Variants in MGA observed in about 807,000 individuals in gnomAD.
The protein encoded by MGA is MAX gene-associated protein.
Under a neutral mutation model 261.1 loss-of-function variants are expected in MGA, and 40 were observed. That is an observed-to-expected ratio of 0.15 (90% CI 0.12 to 0.20). The LOEUF (loss-of-function observed/expected upper bound fraction) is 0.20, where lower values mean the gene tolerates loss of function less well. Ranked by LOEUF, MGA falls within the 10% of genes least tolerant of loss-of-function variation. The probability of loss-of-function intolerance (pLI) is 1.00; values close to 1 mark genes in which losing one functional copy is unlikely to be tolerated. For synonymous variants in MGA, 1,302 were observed against 1,290.6 expected (o/e 1.01, Z -0.19); for missense variants, 3,397 against 3,630.5 (o/e 0.94, Z 1.65).
rs532484674 is a variant in MGA, at chr15:41,707,646, C to T, written c.2189-82C>T. On this transcript the variant is annotated intron_variant, in intron 5 of 23. Transcript: ENST00000219905. The stretch of plus-strand genomic sequence containing the variant: ...TCGACCTTACCCCCCCGCCATCTCC[C>T]AGGCACAAGTTAAAAACAAAGAAGG... 3,209 of 1,351,654 alleles carry T rather than the reference C, an allele frequency of 2.4e-3. 7 individuals carry two copies. Among genetic ancestry groups the T allele is most frequent in the Non-Finnish European group, 2.8e-3 (2,804 of 998,296 alleles). 83.7% of individuals were successfully genotyped at this position (1,351,654 alleles called of 1,614,324 possible).
chr15:41,666,123 G>A (rs4923906), intron 1 of MGA, among the ~76,000 whole-genome samples: 21,871 of 146,648 alleles, frequency 0.15, 2,528 homozygotes, highest in East Asian at 0.69. Flanking sequence ...TTGAACTCTT[G>A]ACCTCAAACG....
At chr15:41,656,382 C>CTCTCTCTCCTCTCTCTCTCTCTCTCT (rs2057194512), upstream of MGA, among the ~76,000 whole-genome samples, 1 of 90,406 alleles carries the variant, frequency 1.1e-5, no homozygotes, top group African/African-American at 3.3e-5. Flanking sequence ...CTCTCTCACA[C>CTCTCTCTCCTCTCTCTCTCTCTCTCT]CCAGGCTGGA....
In MGA at chr15:41,766,587, A is replaced by G. The variant is rs766522106; in HGVS notation, c.8505A>G (p.Gln2835=). The change falls in exon 24 of 24, where the codon CAA becomes CAG. Residue 2835 remains glutamine, a synonymous_variant. Transcript: ENST00000219905. The stretch of plus-strand genomic sequence containing the variant: ...TCAATGAAATTGCCTTTCTTAATCA[A>G]CAACTAAATGATGACTCTGTTGGCC... 4.3e-6 allele frequency: 7 copies of G among 1,613,884 alleles called. No individual in the cohort carries two copies. Among genetic ancestry groups the G allele is most frequent in the Admixed American group, 1.7e-5 (1 of 60,006 alleles).
Position 41,762,382 on chromosome 15 carries a change from CT to C in MGA, c.7744+23del, listed in dbSNP as rs2063508912. On this transcript the variant is annotated intron_variant, in intron 22 of 23. Transcript: ENST00000219905. The stretch of plus-strand genomic sequence containing the variant: ...CCACAGGTAGGAGGGACATTCTTCG[CT>C]TTCCTTAATGTAGATATACATCAGT... 1.9e-6 allele frequency: 3 copies of C among 1,589,312 alleles called. No homozygotes were observed. Among genetic ancestry groups the C allele is most frequent in the African/African-American group, 1.4e-5 (1 of 73,450 alleles).
chr15:41,750,573 T>C lies in MGA; in HGVS notation c.6966T>C (p.Val2322=), dbSNP rs370500547. Residue 2322 remains valine, a synonymous_variant, in exon 17 of 24, where the codon GTT becomes GTC. Transcript: ENST00000219905. ...ATTCTATTGATGAAATTGTGGATGT[T>C]GTTTCTGACTACCAGAGTGAGGAGG... is the stretch of plus-strand genomic sequence containing the variant. 5.6e-5 allele frequency: 90 copies of C among 1,611,124 alleles called. No homozygotes were observed. In the African/African-American group the frequency reaches 1.1e-3, roughly 20 times the overall value.
Position 41,740,076 on chromosome 15 carries a change from T to A in MGA, c.4458T>A (p.Ala1486=). ...AGGTAGCATCCAATGCCAAGGTGGC[T>A]GCATCCAGGAAACCACGTACCCTGT... Residue 1486 remains alanine, a synonymous_variant, in exon 14 of 24, where the codon GCT becomes GCA. Coordinates refer to ENST00000219905, the MANE Select transcript of MGA (RefSeq NM_001164273.2). The A allele has an allele frequency of 1.2e-6, 2 of 1,614,034 alleles. No individual in the cohort carries two copies. The highest frequency in any genetic ancestry group is 1.7e-6 in the Non-Finnish European group (2 of 1,179,898).
chr15:41,684,406 C>A, intron 2 of MGA: 1 of 452,612 alleles, frequency 2.2e-6, no homozygotes, highest in Admixed American at 2.4e-5. Context: ...ATTCTTTTGC[C>A]TAATTTATTT....
Position 41,710,707 on chromosome 15 carries a change from T to A in MGA, c.2442T>A (p.Ser814Arg), listed in dbSNP as rs781525490. 1 of 1,600,410 alleles carries A rather than the reference T, an allele frequency of 6.2e-7. No individual in the cohort carries two copies. Among genetic ancestry groups the A allele is most frequent in the Non-Finnish European group, 8.5e-7 (1 of 1,174,576 alleles). Residue 814 changes from serine to arginine, a missense_variant, in exon 8 of 24, where the codon AGT becomes AGA. By Grantham distance (110) the Ser-to-Arg change is moderately radical. Coordinates refer to ENST00000219905, the MANE Select transcript of MGA (RefSeq NM_001164273.2). ...TATTTCTAGGTGGAAATTCAGAAAG[T>A]TCACTGAAAAATCGTTCTGCTTTCT... is the stretch of plus-strand genomic sequence containing the variant.
chr15:41,681,129 A>G (rs995948811), intron 2 of MGA, among the ~76,000 whole-genome samples: 3 of 152,230 alleles, frequency 2.0e-5, no homozygotes, highest in African/African-American at 7.2e-5. Flanking sequence ...CAGCAAATAC[A>G]TAATACATAA....
At chr15:41,697,630 A>G (rs1040349241) in intron 3 of MGA, among the ~76,000 whole-genome samples, 2 of 151,752 alleles carry the variant, frequency 1.3e-5, no homozygotes, top group African/African-American at 4.8e-5. Flanking sequence ...TTGGCCAGCT[A>G]ATTTCTAACT....
At chr15:41,654,619 C>G (rs1324235302) in intron 1 of MGA, among the ~76,000 whole-genome samples, 1 of 152,164 alleles carries the variant, frequency 6.6e-6, no homozygotes, top group African/African-American at 2.4e-5. Context: ...ATTTTTCTCT[C>G]ATAGGCTTCT....
intron 2 of MGA, among the ~76,000 whole-genome samples, chr15:41,679,600 G>T (rs926015883): frequency 6.6e-6 from 1 of 151,672 alleles, no homozygotes; most frequent in African/African-American, 2.4e-5. Context: ...ATTGCCCATT[G>T]CTGTTTTGTA....
At position 41,766,474 on chromosome 15, in the gene MGA, G is replaced by C. The variant is rs1397552656; in HGVS notation, c.8392G>C (p.Ala2798Pro). 2 of 1,613,878 alleles carry C rather than the reference G, an allele frequency of 1.2e-6. No individual in the cohort carries two copies. The highest frequency in any genetic ancestry group is 1.7e-6 in the Non-Finnish European group (2 of 1,179,906). Residue 2798 changes from alanine to proline, a missense_variant, in exon 24 of 24, where the codon GCT becomes CCT. This residue lies in a region of MGA where 647 missense variants were observed against 642.4 expected (regional missense o/e 1.01). Transcript: ENST00000219905. Reference sequence around the variant, plus strand: ...GATGGAACTGAGGAAAGTAACATCAGCTATAGAGGAAGCAGCTCTTGATTC... The same window carrying C: ...GATGGAACTGAGGAAAGTAACATCACCTATAGAGGAAGCAGCTCTTGATTC...
chr15:41,659,319 T>C (rs2057282030), upstream of MGA, among the ~76,000 whole-genome samples: 1 of 152,178 alleles, frequency 6.6e-6, no homozygotes, highest in African/African-American at 2.4e-5. Flanking sequence ...AGCCTCCTTC[T>C]GTTGACTCCT....
At chr15:41,729,134 A>G in intron 10 of MGA, 30 bp from the exon 11 acceptor site, 4 of 1,602,630 alleles carry the variant, frequency 2.5e-6, no homozygotes, top group Non-Finnish European at 3.4e-6. Flanking sequence ...TTCCCACTGT[A>G]TGGAATATTT....
chr15:41,744,974 G>T (rs2062358280), intron 15 of MGA, among the ~76,000 whole-genome samples: 1 of 152,148 alleles, frequency 6.6e-6, no homozygotes, highest in Non-Finnish European at 1.5e-5. Flanking sequence ...CGCCTCCCAG[G>T]TTCAAGTGGT....
intron 1 of MGA, among the ~76,000 whole-genome samples, chr15:41,628,427 T>G (rs1168098039): frequency 2.2e-5 from 3 of 139,148 alleles, no homozygotes; most frequent in Non-Finnish European, 4.6e-5. Flanking sequence ...AGAGTGGTGG[T>G]GGTGGGTTTG....
intron 15 of MGA, among the ~76,000 whole-genome samples, chr15:41,746,930 GCTTA>G (rs778557559): frequency 1.1e-4 from 17 of 149,904 alleles, no homozygotes; most frequent in Non-Finnish European, 2.2e-4. Context: ...TTTCATTTAT[GCTTA>G]CTATTACCAT....
chr15:41,656,382 C>CTCCTCTCTCTCTCTCTCTCT (rs2057194512), upstream of MGA, among the ~76,000 whole-genome samples: 2 of 90,498 alleles, frequency 2.2e-5, no homozygotes, highest in African/African-American at 6.6e-5. Flanking sequence ...CTCTCTCACA[C>CTCCTCTCTCTCTCTCTCTCT]CCAGGCTGGA....
Sources: allele counts gnomAD v4.1 joint callset (sites outside exome capture counted in the v4.1 genomes callset), GRCh38; gene constraint gnomAD v4.1.1; regional missense constraint gnomAD v4.1.1; transcripts MANE v1.5; gene names NCBI Gene and HGNC (gene_info 2026-07-23, HGNC 2026-07-21).